The following RUFY4 variants were observed in gnomAD, a reference collection of about 807,000 sequenced individuals.
RUFY4 encodes RUN and FYVE domain-containing protein 4.
RUFY4 carries 73 observed loss-of-function variants against 69.0 expected under a neutral mutation model. That is an observed-to-expected ratio of 1.06 (90% CI 0.88 to 1.29). The LOEUF is 1.29. Ranked by LOEUF, RUFY4 falls within the 50% of genes most tolerant of loss-of-function variation. The pLI, the probability that RUFY4 is intolerant of heterozygous loss-of-function variation, is 0.00. For missense variants in RUFY4, 770 were observed against 705.6 expected, an observed-to-expected ratio of 1.09 and a Z score of -1.03; for synonymous variants, 287 against 271.8, an observed-to-expected ratio of 1.06 and a Z score of -0.55.
intron 5 of RUFY4, among the ~76,000 whole-genome samples, 183 bp downstream of exon 7, chr2:218,073,569 C>G (rs781268803): frequency 1.3e-5 from 2 of 152,124 alleles, no homozygotes; most frequent in Non-Finnish European, 2.9e-5. Flanking sequence ...ATAATGCTGC[C>G]TAGAATATGC....
chr2:218,076,340 T>A, intron 7 of RUFY4, 87 bp from the exon 10 acceptor site: 2 of 1,488,498 alleles, frequency 1.3e-6, no homozygotes, highest in Non-Finnish European at 1.8e-6. Context: ...GCCTGGGGTC[T>A]CTCGGGAATG....
At chr2:218,077,697 G>C (rs1180344491) in intron 8 of RUFY4, among the ~76,000 whole-genome samples, 3 of 152,196 alleles carry the variant, frequency 2.0e-5, no homozygotes, top group East Asian at 1.9e-4. Context: ...CTGAGTAGCT[G>C]TGATTCAGCC....
chr2:218,076,283 C>T, intron 7 of RUFY4, 144 bp from the exon 10 acceptor site: 2 of 1,355,830 alleles, frequency 1.5e-6, no homozygotes, highest in South Asian at 1.6e-5. Flanking sequence ...TAGGACAGAG[C>T]CAGGCATCAC....
intron 2 of RUFY4, among the ~76,000 whole-genome samples, chr2:218,038,518 G>A (rs1559418534): frequency 6.6e-6 from 1 of 152,140 alleles, no homozygotes; most frequent in Non-Finnish European, 1.5e-5. Flanking sequence ...TTGATTTAAA[G>A]AATATTACAC....
intron 3 of RUFY4, among the ~76,000 whole-genome samples, chr2:218,062,072 G>A (rs1188361317): frequency 6.6e-6 from 1 of 152,172 alleles, no homozygotes; most frequent in Non-Finnish European, 1.5e-5. Flanking sequence ...GGCCTGCTCT[G>A]GGAATGTGTG....
chr2:218,068,415 G>A (rs1454889011), upstream of RUFY4, among the ~76,000 whole-genome samples: 1 of 152,102 alleles, frequency 6.6e-6, no homozygotes, highest in East Asian at 1.9e-4. Flanking sequence ...ACAGGGATGG[G>A]AGACAGGGAC....
intron 2 of RUFY4, among the ~76,000 whole-genome samples, chr2:218,058,054 A>C (rs529226746): frequency 6.6e-6 from 1 of 152,246 alleles, no homozygotes; most frequent in Non-Finnish European, 1.5e-5. Flanking sequence ...GATTGTGTGC[A>C]TTAAAAGAGA....
intron 2 of RUFY4, among the ~76,000 whole-genome samples, chr2:218,047,199 GA>G (rs890987093): frequency 1.3e-5 from 2 of 151,610 alleles, no homozygotes; most frequent in African/African-American, 4.8e-5. Context: ...AACAGATAAG[GA>G]AAAAAAACCT....
chr2:218,074,425 A>G (rs940575158), intron 6 of RUFY4, among the ~76,000 whole-genome samples: 2 of 152,174 alleles, frequency 1.3e-5, no homozygotes, highest in African/African-American at 2.4e-5. Flanking sequence ...CGCTCCCCGC[A>G]TGACAGTGTG....
chr2:218,075,256 G>A, exon 7 of RUFY4: 1 of 1,579,364 alleles, frequency 6.3e-7, no homozygotes, highest in African/African-American at 1.3e-5. Flanking sequence ...AAGGGGGAAA[G>A]TTCCAGGAAA....
At chr2:218,050,783 A>C (rs1688926296) in intron 2 of RUFY4, among the ~76,000 whole-genome samples, 1 of 152,226 alleles carries the variant, frequency 6.6e-6, no homozygotes, top group South Asian at 2.1e-4. Context: ...ACATGCAATG[A>C]CCATTGTTTT....
intron 2 of RUFY4, among the ~76,000 whole-genome samples, chr2:218,055,530 T>A (rs1157638277): frequency 6.6e-6 from 1 of 152,244 alleles, no homozygotes; most frequent in Non-Finnish European, 1.5e-5. Flanking sequence ...ATGTCTAGAA[T>A]ACACTCGTTA....
intron 2 of RUFY4, among the ~76,000 whole-genome samples, chr2:218,054,400 CA>C (rs1689012944): frequency 3.3e-5 from 5 of 151,878 alleles, no homozygotes; most frequent in Admixed American, 3.3e-4. Context: ...ACTGAAAATA[CA>C]AAAATTAGCC....
chr2:218,060,683 G>A (rs750999515), intron 3 of RUFY4: 10 of 1,329,686 alleles, frequency 7.5e-6, no homozygotes, highest in Admixed American at 6.7e-5. Context: ...ATGGTCCAGT[G>A]CTTCTGCCCC....
intron 6 of RUFY4, among the ~76,000 whole-genome samples, chr2:218,074,124 C>T (rs972021946): frequency 1.3e-5 from 2 of 152,004 alleles, no homozygotes; most frequent in African/African-American, 2.4e-5. Flanking sequence ...CACCCTCTGC[C>T]GGAGCCACTG....
exon 9 of RUFY4, chr2:218,083,244 T>C (rs1689809203): frequency 2.5e-6 from 4 of 1,606,562 alleles, no homozygotes; most frequent in South Asian, 1.1e-5. Context: ...AGGCGGGTGT[T>C]GGAACTGATC....
intron 3 of RUFY4, among the ~76,000 whole-genome samples, chr2:218,063,285 C>T (rs1298235938): frequency 6.6e-6 from 1 of 152,138 alleles, no homozygotes; most frequent in Non-Finnish European, 1.5e-5. Context: ...AAAATGGAAC[C>T]CAGTGACAGA....
At chr2:218,075,186 C>A (rs1399389032) in exon 7 of RUFY4, 3 of 1,557,674 alleles carry the variant, frequency 1.9e-6, no homozygotes, top group Non-Finnish European at 8.7e-7. Flanking sequence ...CAGTGGACAG[C>A]AGCTGGCAGG....
In RUFY4 at chr2:218,077,126, A is replaced by G. The variant is rs553105212; in HGVS notation, c.1355+593A>G. Among the ~76,000 whole-genome samples the G allele has an allele frequency of 3.7e-4, 57 of 152,176 alleles. 1 individual carries two copies. The highest frequency in any genetic ancestry group is 1.3e-3 in the African/African-American group (54 of 41,514). On this transcript the variant is annotated intron_variant, in intron 8 of 10. Coordinates refer to ENST00000344321, the Ensembl canonical transcript of RUFY4. ...AAAGATGCTGCACAATTCACCCACC[A>G]TTGGCTAGTTAGCGGGGGAGCTGAG...
Sources: gnomAD v4.1 joint callset for allele counts (sites outside exome capture counted in the v4.1 genomes callset) on GRCh38, gnomAD v4.1.1 for gene constraint, MANE v1.5 for transcripts, NCBI Gene and HGNC (gene_info 2026-07-23, HGNC 2026-07-21) for gene names.